Variants in PLEKHA7 observed in about 807,000 individuals in gnomAD.
The protein encoded by PLEKHA7 is pleckstrin homology domain containing A7.
A neutral mutation model predicts 170.0 loss-of-function variants in PLEKHA7; 104 were observed. The observed-to-expected ratio is 0.61, with a 90% CI of 0.52 to 0.72. The LOEUF is 0.72. Among genes scored for constraint, PLEKHA7 ranks in the 30% least tolerant of loss-of-function variants. The probability of loss-of-function intolerance (pLI) is 0.00; values close to 1 mark genes in which losing one functional copy is unlikely to be tolerated. For missense variants in PLEKHA7, 1,615 were observed against 1,671.7 expected, an observed-to-expected ratio of 0.97 and a Z score of 0.59; for synonymous variants, 648 against 660.8, an observed-to-expected ratio of 0.98 and a Z score of 0.30.
intron 3 of PLEKHA7, among the ~76,000 whole-genome samples, chr11:17,011,196 A>G (rs1471644613): frequency 6.6e-6 from 1 of 152,208 alleles, no homozygotes; most frequent in Non-Finnish European, 1.5e-5. Context: ...ACTTTGGGAC[A>G]CTTGCAGCCC....
rs114060005 is a variant in PLEKHA7 at position 16,893,579 on chromosome 11, A to G, written c.222-22397T>C. ...GTAATTCTCTAGTACCCGCCCCCCC[A>G]CAAGGAAGACACAGCTGGTAACTTT... On this transcript the variant is annotated intron_variant, in intron 3 of 26. Coordinates refer to ENST00000531066, the MANE Select transcript of PLEKHA7 (RefSeq NM_001329630.2). 5.4e-3 allele frequency among the ~76,000 whole-genome samples: 823 copies of G among 152,192 alleles called. 13 individuals carry two copies. The highest frequency in any genetic ancestry group is 0.018 in the African/African-American group (757 of 41,536).
chr11:16,807,698 T>C (rs576031453), intron 13 of PLEKHA7, among the ~76,000 whole-genome samples: 1 of 152,302 alleles, frequency 6.6e-6, no homozygotes, highest in South Asian at 2.1e-4. Flanking sequence ...TGCATCTACA[T>C]GATTATGTCT....
Position 16,789,411 on chromosome 11 carries a change from T to A in PLEKHA7, c.3157-115A>T. The A allele has an allele frequency of 1.0e-6, 1 of 975,752 alleles. No homozygotes were observed. Among genetic ancestry groups the A allele is most frequent in the Non-Finnish European group, 1.6e-6 (1 of 638,990 alleles). The allele number at this position is 975,752 out of a possible 1,614,324, so 60.4% of individuals were successfully genotyped here. On this transcript the variant is annotated intron_variant, in intron 22 of 26. Coordinates refer to ENST00000531066, the MANE Select transcript of PLEKHA7 (RefSeq NM_001329630.2). This position sits in a 1 kb window ranked among gnomAD's most constrained non-coding sequence, Gnocchi z 4.6. ...CTCTCTCTCACACACATGCACACTC[T>A]AGTTGGGCTCCTCTTGGCCTTAGAG...
chr11:16,811,477 G>A (rs1230154758), intron 13 of PLEKHA7, among the ~76,000 whole-genome samples: 2 of 152,174 alleles, frequency 1.3e-5, no homozygotes, highest in East Asian at 1.9e-4. Context: ...ATGGTGCTGC[G>A]CAGGGCAGGT....
intron 9 of PLEKHA7, 35 bp from the exon 10 acceptor site, chr11:16,826,625 A>G (rs750934008): frequency 3.2e-6 from 5 of 1,560,112 alleles, no homozygotes; most frequent in South Asian, 2.3e-5. Flanking sequence ...TTTGCTCCAC[A>G]GCCAAGACTC....
At chr11:16,881,687 C>T (rs1020758954) in intron 3 of PLEKHA7, 3 of 152,242 alleles carry the variant, frequency 2.0e-5, no homozygotes, top group Admixed American at 6.5e-5. Context: ...CTATCTACAG[C>T]TCTGGAGTCA....
At chr11:16,851,507 A>G (rs1408324331) in intron 7 of PLEKHA7, among the ~76,000 whole-genome samples, 1 of 152,048 alleles carries the variant, frequency 6.6e-6, no homozygotes, top group African/African-American at 2.4e-5. Flanking sequence ...TGGAGTCAAG[A>G]GCATGATCTC....
chr11:17,000,953 T>C (rs1197400810), intron 3 of PLEKHA7, among the ~76,000 whole-genome samples: 4 of 152,204 alleles, frequency 2.6e-5, no homozygotes, highest in African/African-American at 4.8e-5. Flanking sequence ...AAGGATTTTA[T>C]CTAAGGTCTG....
intron 3 of PLEKHA7, among the ~76,000 whole-genome samples, chr11:16,981,781 C>T (rs1390380108): frequency 6.6e-6 from 1 of 152,144 alleles, no homozygotes; most frequent in Non-Finnish European, 1.5e-5. Flanking sequence ...TGCCAGAGCC[C>T]AGCAGCAGCA....
At chr11:16,810,325 C>G (rs897354003) in intron 13 of PLEKHA7, among the ~76,000 whole-genome samples, 1 of 152,210 alleles carries the variant, frequency 6.6e-6, no homozygotes, top group Non-Finnish European at 1.5e-5. Flanking sequence ...ACCCTAAACC[C>G]AAGCTGAGTC....
intron 3 of PLEKHA7, among the ~76,000 whole-genome samples, chr11:16,960,531 G>A (rs7130314): frequency 0.34 from 51,632 of 151,914 alleles, 9,234 homozygotes; most frequent in Non-Finnish European, 0.39. Flanking sequence ...GGCAAGCGTC[G>A]CCCTAGGGGT....
chr11:16,879,279 C>T (rs974663805), intron 3 of PLEKHA7, among the ~76,000 whole-genome samples: 16 of 152,296 alleles, frequency 1.1e-4, no homozygotes, highest in Non-Finnish European at 1.8e-4. Flanking sequence ...TTACTCCTTA[C>T]TTATCTCCTA....
Position 16,789,432 on chromosome 11 carries a change from T to C in PLEKHA7, c.3157-136A>G. 1 of 804,610 alleles carries C rather than the reference T, an allele frequency of 1.2e-6. No homozygotes were observed. The highest frequency in any genetic ancestry group is 3.7e-4 in the Middle Eastern group (1 of 2,712). The allele number at this position is 804,610 out of a possible 1,614,324, so 49.8% of individuals were successfully genotyped here. ...ACTCTAGTTGGGCTCCTCTTGGCCT[T>C]AGAGAACTATTTCCTCTAAGCAACA... On this transcript the variant is annotated intron_variant, in intron 22 of 26. Transcript: ENST00000531066. This position sits in a 1 kb window ranked among gnomAD's most constrained non-coding sequence, Gnocchi z 4.6.
chr11:16,809,216 C>T (rs1452902531), intron 13 of PLEKHA7, among the ~76,000 whole-genome samples: 1 of 152,144 alleles, frequency 6.6e-6, no homozygotes, highest in Non-Finnish European at 1.5e-5. Context: ...ACTTGGCACC[C>T]CAGCAGGAAC....
In PLEKHA7 at chr11:16,791,768, G is replaced by C; in HGVS notation, c.2746-569C>G. On this transcript the variant is annotated intron_variant, in intron 19 of 26. Transcript: ENST00000531066. This position sits in a 1 kb window ranked among gnomAD's most constrained non-coding sequence, Gnocchi z 4.5. ...TATTTCCTCCTTCCTGACTCAGACA[G>C]AACAGGCGGTCAGGATGAGTGACTC... The C allele has an allele frequency of 2.3e-6, 1 of 431,804 alleles. No individual in the cohort carries two copies. Among genetic ancestry groups the C allele is most frequent in the Non-Finnish European group, 4.7e-6 (1 of 213,214 alleles). The allele number at this position is 431,804 out of a possible 1,614,324, so 26.7% of individuals were successfully genotyped here.
At chr11:16,887,301 ACCTCTC>A (rs67257616) in intron 3 of PLEKHA7, among the ~76,000 whole-genome samples, 65,196 of 144,482 alleles carry the variant, frequency 0.45, 15,358 homozygotes, top group Non-Finnish European at 0.52. Context: ...ATAAACCTCA[ACCTCTC>A]CCTCTCCCTC....
At chr11:16,896,200 T>G (rs2135990173) in intron 3 of PLEKHA7, among the ~76,000 whole-genome samples, 1 of 152,362 alleles carries the variant, frequency 6.6e-6, no homozygotes. Context: ...TAGGCACCAT[T>G]AAATCAACAT....
intron 10 of PLEKHA7, among the ~76,000 whole-genome samples, chr11:16,824,245 C>A (rs1026146736): frequency 2.0e-5 from 3 of 152,108 alleles, no homozygotes; most frequent in African/African-American, 7.2e-5. Context: ...TTAAAAATAA[C>A]TAAAAGGGGT....
chr11:17,013,998 TAGC>T lies in PLEKHA7; in HGVS notation c.209_211del (p.Ser70_Tyr71delinsAsn), dbSNP rs1296482991. ...GGCCCCACTCACTCACTCGATGAAG[TAGC>T]TGGCGCCCTCCTCCGTGAAGCCCTC... is the stretch of plus-strand genomic sequence containing the variant. On this transcript the variant is annotated inframe_deletion, in exon 3 of 27. Transcript: ENST00000531066. 3.9e-6 allele frequency: 6 copies of T among 1,542,820 alleles called. No individual in the cohort carries two copies. In the Admixed American group the frequency reaches 1.2e-4, roughly 30 times the overall value.
Sources: allele counts gnomAD v4.1 joint callset (sites outside exome capture counted in the v4.1 genomes callset), GRCh38; gene constraint gnomAD v4.1.1; non-coding constraint Gnocchi (gnomAD v3.1); transcripts MANE v1.5; gene names NCBI Gene and HGNC (gene_info 2026-07-23, HGNC 2026-07-21).